The following FMN2 variants were observed in gnomAD, a reference collection of about 807,000 sequenced individuals.
FMN2 encodes formin-2.
In FMN2, 51 loss-of-function variants were observed where a neutral mutation model predicts 142.3. The observed-to-expected ratio is 0.36, with a 90% CI of 0.29 to 0.45. The LOEUF (loss-of-function observed/expected upper bound fraction) is 0.45, where lower values mean the gene tolerates loss of function less well. Ranked by LOEUF, FMN2 falls within the 20% of genes least tolerant of loss-of-function variation. The pLI is 1.00. For synonymous variants in FMN2, 882 were observed against 869.8 expected (o/e 1.01, Z -0.25); for missense variants, 1,936 against 2,122.8 (o/e 0.91, Z 1.73).
intron 15 of FMN2, among the ~76,000 whole-genome samples, chr1:240,403,043 A>G (rs1195250175): frequency 1.3e-5 from 2 of 152,248 alleles, no homozygotes; most frequent in East Asian, 3.9e-4. Flanking sequence ...TCTGGCATCA[A>G]TAAAGCTAGT....
chr1:240,327,693 T>G (rs184178926), intron 8 of FMN2, among the ~76,000 whole-genome samples: 1 of 152,268 alleles, frequency 6.6e-6, no homozygotes, highest in East Asian at 1.9e-4. Flanking sequence ...TTGTGCTTCT[T>G]GAAGTCTATA....
intron 15 of FMN2, among the ~76,000 whole-genome samples, chr1:240,405,592 T>G (rs1216792516): frequency 6.7e-6 from 1 of 148,340 alleles, no homozygotes; most frequent in Non-Finnish European, 1.5e-5. Context: ...CACTCCAGCC[T>G]GGGCGACAAG....
At chr1:240,196,951 T>G (rs939315715) in intron 4 of FMN2, among the ~76,000 whole-genome samples, 1 of 152,182 alleles carries the variant, frequency 6.6e-6, no homozygotes, top group African/African-American at 2.4e-5. Context: ...CATTTGGTCT[T>G]AATTGCCATC....
intron 2 of FMN2, chr1:240,144,362 A>T: frequency 1.9e-6 from 3 of 1,606,732 alleles, no homozygotes; most frequent in East Asian, 2.2e-5. Flanking sequence ...GGGCTCCATG[A>T]TGTCCAGCTC....
At chr1:240,141,369 T>G (rs1356975670) in intron 2 of FMN2, among the ~76,000 whole-genome samples, 1 of 152,140 alleles carries the variant, frequency 6.6e-6, no homozygotes, top group African/African-American at 2.4e-5. Flanking sequence ...TATTTATTTT[T>G]GGGATGGAGT....
chr1:240,289,696 A>T (rs1279078959), intron 7 of FMN2, among the ~76,000 whole-genome samples: 1 of 152,038 alleles, frequency 6.6e-6, no homozygotes, highest in African/African-American at 2.4e-5. Flanking sequence ...TCTCTCTAAA[A>T]AAAAGGGATT....
In FMN2 at chr1:240,092,193, G is replaced by A. The variant is rs757156181; in HGVS notation, c.84G>A (p.Gly28=). The change falls in exon 1 of 18, where the codon GGG becomes GGA. Residue 28 remains glycine, a synonymous_variant. Coordinates refer to ENST00000319653, the MANE Select transcript of FMN2 (RefSeq NM_020066.5). ...GCGGTGGCGCCGAGGATGCGCTGGG[G>A]CCCAGGGATGTGGAAGCCACAAAGA... ...EGGGGAEDAL[G]PRDVEATKKG... is the part of the protein sequence containing the mutation. 5 of 1,582,792 alleles carry A rather than the reference G, an allele frequency of 3.2e-6. No homozygotes were observed. In the Admixed American group the frequency reaches 9.0e-5, roughly 28 times the overall value.
chr1:240,272,992 C>G (rs1456155675), intron 7 of FMN2, among the ~76,000 whole-genome samples: 1 of 151,920 alleles, frequency 6.6e-6, no homozygotes, highest in Non-Finnish European at 1.5e-5. Flanking sequence ...TCCGTAAGAA[C>G]TTTGTCACTT....
At chr1:240,335,264 TGTC>T in intron 13 of FMN2, among the ~76,000 whole-genome samples, 1 of 152,324 alleles carries the variant, frequency 6.6e-6, no homozygotes, top group African/African-American at 2.4e-5. Context: ...GCTGAAATTC[TGTC>T]ATTACATGTA....
At chr1:240,232,224 ACAC>A (rs1402379030) in intron 6 of FMN2, among the ~76,000 whole-genome samples, 12 of 148,366 alleles carry the variant, frequency 8.1e-5, no homozygotes, top group African/African-American at 3.0e-4. Context: ...CACCAGGCAC[ACAC>A]CAACCACCAG....
At chr1:240,127,320 C>T (rs1018788667) in intron 2 of FMN2, among the ~76,000 whole-genome samples, 2 of 151,322 alleles carry the variant, frequency 1.3e-5, no homozygotes, top group Admixed American at 6.6e-5. Context: ...TGATCTGCCA[C>T]GTCGGCCTCT....
chr1:240,358,881 A>T (rs1395078093), intron 14 of FMN2, among the ~76,000 whole-genome samples: 1 of 152,190 alleles, frequency 6.6e-6, no homozygotes, highest in East Asian at 1.9e-4. Context: ...TCACTCCCAT[A>T]ATCCCGGCAC....
In FMN2 at chr1:240,177,864, CTT is replaced by C. The variant is rs2103323330; in HGVS notation, c.1783-56_1783-55del. 3 of 1,434,212 alleles carry C rather than the reference CTT, an allele frequency of 2.1e-6. No homozygotes were observed. In the East Asian group the frequency reaches 7.3e-5, roughly 35 times the overall value. 88.8% of individuals were successfully genotyped at this position (1,434,212 alleles called of 1,614,324 possible). On this transcript the variant is annotated intron_variant, in intron 2 of 17. Transcript: ENST00000319653. ...TGATTTTGCAATGTATTAGTCATGG[CTT>C]ATTTTTTTGTAACTGAATTAATAGC...
chr1:240,143,397 C>G, intron 2 of FMN2: 1 of 1,431,780 alleles, frequency 7.0e-7, no homozygotes, highest in South Asian at 1.2e-5. Context: ...CAATCTCCCC[C>G]ACAGCAATAA....
At chr1:240,115,642 T>C (rs1661990475) in intron 1 of FMN2, among the ~76,000 whole-genome samples, 1 of 152,114 alleles carries the variant, frequency 6.6e-6, no homozygotes, top group South Asian at 2.1e-4. Flanking sequence ...CTCATCTTTT[T>C]CCCCAGTCCT....
chr1:240,340,886 A>G (rs1036245354), intron 13 of FMN2, among the ~76,000 whole-genome samples: 1 of 152,132 alleles, frequency 6.6e-6, no homozygotes, highest in Non-Finnish European at 1.5e-5. Flanking sequence ...TGGCTTCCTT[A>G]ATGTGTAGAA....
chr1:240,120,948 A>G lies in FMN2; in HGVS notation c.1616-2231A>G, dbSNP rs370475225. Among the ~76,000 whole-genome samples, 4 of 152,318 alleles carry G rather than the reference A, an allele frequency of 2.6e-5. No individual in the cohort carries two copies. The East Asian group carries it at 7.7e-4, about 29-fold the overall frequency. On this transcript the variant is annotated intron_variant, in intron 1 of 17. Coordinates refer to ENST00000319653, the MANE Select transcript of FMN2 (RefSeq NM_020066.5). ...TGAGGTAGGCAGATCATTTGAGGTC[A>G]GGAGTTCAAGACCAGTCTGACCAAT...
chr1:240,238,399 C>T (rs1030630345), intron 6 of FMN2, among the ~76,000 whole-genome samples: 1 of 152,142 alleles, frequency 6.6e-6, no homozygotes, highest in African/African-American at 2.4e-5. Flanking sequence ...GACATTAAAA[C>T]TTATTTGGTG....
At chr1:240,111,963 C>T (rs1046337213) in intron 1 of FMN2, among the ~76,000 whole-genome samples, 1 of 152,128 alleles carries the variant, frequency 6.6e-6, no homozygotes, top group Non-Finnish European at 1.5e-5. Context: ...GAACACTTTC[C>T]ATCCTATAAA....
Sources: allele counts gnomAD v4.1 joint callset (sites outside exome capture counted in the v4.1 genomes callset), GRCh38; gene constraint gnomAD v4.1.1; transcripts MANE v1.5; gene names NCBI Gene and HGNC (gene_info 2026-07-23, HGNC 2026-07-21).